The following SORT1 variants were observed in gnomAD, a reference collection of about 807,000 sequenced individuals.
SORT1 encodes sortilin.
In SORT1, 39 loss-of-function variants were observed where a neutral mutation model predicts 101.7. The ratio of observed to expected loss-of-function variants is 0.38; its 90% confidence interval spans 0.30 to 0.50. SORT1 has a LOEUF of 0.50. Among genes scored for constraint, SORT1 ranks in the 20% least tolerant of loss-of-function variants. The pLI is 0.90. For missense variants in SORT1, 878 were observed against 1,040.4 expected (o/e 0.84, Z 2.15); for synonymous variants, 396 against 393.7 (o/e 1.01, Z -0.07).
At position 109,322,280 on chromosome 1, in the gene SORT1, C is replaced by T. The variant is rs115464485; in HGVS notation, c.2024+652G>A. On this transcript the variant is annotated intron_variant, in intron 15 of 19. Transcript: ENST00000256637. ...GTCCAATTTCCTCTTTGCTCCTCTA[C>T]CACTTCTTTTGGTGTTTCTGTCTTT... Among the ~76,000 whole-genome samples, 477 of 152,158 alleles carry T rather than the reference C, an allele frequency of 3.1e-3. 3 individuals are homozygous for T. Among genetic ancestry groups the T allele is most frequent in the Non-Finnish European group, 5.0e-3 (339 of 68,006 alleles).
At chr1:109,327,462 T>C (rs745537002) in intron 12 of SORT1, 37 bp downstream of exon 12, 7 of 1,301,846 alleles carry the variant, frequency 5.4e-6, no homozygotes, top group Middle Eastern at 1.9e-4. Context: ...GCTCAGCCAC[T>C]GTTCCAGTTG....
At position 109,397,470 on chromosome 1, in the gene SORT1, G is replaced by C. The variant is rs1050126261; in HGVS notation, c.306+117C>G. 1.2e-4 allele frequency: 80 copies of C among 690,720 alleles called. No individual in the cohort carries two copies. In the African/African-American group the frequency reaches 1.3e-3, roughly 11 times the overall value. 42.8% of individuals were successfully genotyped at this position (690,720 alleles called of 1,614,324 possible). ...CGCAGTTTCGGGGCTGCGGCCCGGG[G>C]GACGCGGGCGCGGCAGGGCTGGGGT... On this transcript the variant is annotated intron_variant, in intron 1 of 19. Transcript: ENST00000256637.
chr1:109,381,553 C>T (rs1361120418), intron 1 of SORT1, among the ~76,000 whole-genome samples: 10 of 152,124 alleles, frequency 6.6e-5, no homozygotes, highest in Admixed American at 6.5e-4. Flanking sequence ...CATGTGACAT[C>T]ATATGTGCAT....
chr1:109,316,740 G>T, intron 17 of SORT1, 110 bp downstream of exon 17: 1 of 718,260 alleles, frequency 1.4e-6, no homozygotes, highest in Non-Finnish European at 2.4e-6. Flanking sequence ...GAGAGAAGTA[G>T]TTTGACCACT....
chr1:109,362,881 A>G (rs556545105), intron 3 of SORT1, among the ~76,000 whole-genome samples: 129 of 152,328 alleles, frequency 8.5e-4, no homozygotes, highest in African/African-American at 3.0e-3. Context: ...GTCATTGTTA[A>G]CAATCTACTG....
At chr1:109,390,398 ACTTCT>A (rs1473003647) in intron 1 of SORT1, among the ~76,000 whole-genome samples, 1 of 152,096 alleles carries the variant, frequency 6.6e-6, no homozygotes, top group Non-Finnish European at 1.5e-5. Flanking sequence ...CGTTGATAAA[ACTTCT>A]CATTTGACCC....
intron 3 of SORT1, among the ~76,000 whole-genome samples, chr1:109,360,983 T>G (rs985318537): frequency 6.6e-6 from 1 of 152,220 alleles, no homozygotes; most frequent in Non-Finnish European, 1.5e-5. Flanking sequence ...GGGTGACTGA[T>G]TGAGTTCTTA....
intron 3 of SORT1, among the ~76,000 whole-genome samples, chr1:109,362,191 G>A (rs1054784737): frequency 2.0e-5 from 3 of 152,138 alleles, no homozygotes; most frequent in African/African-American, 7.2e-5. Context: ...TCTTTAAACA[G>A]AAACACACAT....
intron 17 of SORT1, among the ~76,000 whole-genome samples, chr1:109,315,747 C>A (rs1296378013): frequency 7.1e-6 from 1 of 140,934 alleles, no homozygotes; most frequent in East Asian, 2.0e-4. Context: ...AGCCTCATAA[C>A]CTTTTTTTTT....
At chr1:109,342,837 T>C (rs1038180342) in intron 8 of SORT1, among the ~76,000 whole-genome samples, 8 of 152,090 alleles carry the variant, frequency 5.3e-5, no homozygotes, top group Non-Finnish European at 1.2e-4. Context: ...CTCTGATAAA[T>C]AGCTTAACAT....
At chr1:109,345,343 C>T (rs1386074164) in intron 8 of SORT1, among the ~76,000 whole-genome samples, 2 of 152,048 alleles carry the variant, frequency 1.3e-5, no homozygotes, top group Non-Finnish European at 2.9e-5. Flanking sequence ...GGCAAAACCC[C>T]ATCTCTACTA....
intron 1 of SORT1, chr1:109,393,202 A>G: frequency 1.3e-5 from 13 of 985,462 alleles, no homozygotes; most frequent in Non-Finnish European, 1.6e-5. Context: ...ACCCCATACA[A>G]CACGGCCTCT....
chr1:109,322,189 C>T (rs965751498), intron 15 of SORT1, among the ~76,000 whole-genome samples: 1 of 152,010 alleles, frequency 6.6e-6, no homozygotes, highest in East Asian at 1.9e-4. Context: ...CCACCCGCCT[C>T]GGCCTCCCAA....
chr1:109,397,343 T>TAA (rs775626561), intron 1 of SORT1: 9 of 143,612 alleles, frequency 6.3e-5, no homozygotes, highest in Admixed American at 2.1e-4. Context: ...TTTGACAACT[T>TAA]AAAAAAAAAA....
At position 109,345,782 on chromosome 1, in the gene SORT1, C is replaced by T. The variant is rs552332611; in HGVS notation, c.932G>A (p.Arg311His). 1.0e-4 allele frequency: 166 copies of T among 1,613,768 alleles called. No individual in the cohort carries two copies. The highest frequency in any genetic ancestry group is 4.0e-4 in the East Asian group (18 of 44,870). The change falls in exon 8 of 20, where the codon CGT becomes CAT. Residue 311 changes from arginine to histidine, a missense_variant. Arg to His is a conservative substitution (Grantham distance 29). Transcript: ENST00000256637. ...VKIYSFGLGG[R>H]FLFASVMADK... The stretch of plus-strand genomic sequence containing the variant: ...AGCCATCACAGAGGCAAAAAGGAAA[C>T]GTCCCCCAAGACCAAATGAGTAGAT...
chr1:109,353,123 C>T (rs1258633784), intron 5 of SORT1, among the ~76,000 whole-genome samples: 1 of 151,920 alleles, frequency 6.6e-6, no homozygotes, highest in Non-Finnish European at 1.5e-5. Context: ...GTCAGGAGTT[C>T]GAGACCAGCC....
intron 10 of SORT1, among the ~76,000 whole-genome samples, chr1:109,340,315 T>C (rs1649125908): frequency 6.6e-6 from 1 of 151,940 alleles, no homozygotes. Flanking sequence ...CAACAACCAA[T>C]AGTGTATGAT....
intron 10 of SORT1, among the ~76,000 whole-genome samples, chr1:109,340,171 AAAAG>A (rs1649118131): frequency 6.6e-6 from 1 of 151,910 alleles, no homozygotes; most frequent in Non-Finnish European, 1.5e-5. Context: ...AAAAGAAAGA[AAAAG>A]AAAAAAAAGG....
chr1:109,327,914 A>C (rs1427566919), intron 11 of SORT1, among the ~76,000 whole-genome samples: 1 of 152,164 alleles, frequency 6.6e-6, no homozygotes, highest in African/African-American at 2.4e-5. Flanking sequence ...GATTTTTACC[A>C]TATTACTTTG....
Sources: gnomAD v4.1 joint callset for allele counts (sites outside exome capture counted in the v4.1 genomes callset) on GRCh38, gnomAD v4.1.1 for gene constraint, MANE v1.5 for transcripts, NCBI Gene and HGNC (gene_info 2026-07-23, HGNC 2026-07-21) for gene names.